HEXB: variants seen among roughly 807,000 people sequenced by gnomAD.
The protein encoded by HEXB is hexosaminidase subunit beta, also known as beta-hexosaminidase subunit beta.
In HEXB, 51 loss-of-function variants were observed where a neutral mutation model predicts 71.2. The observed-to-expected ratio is 0.72, with a 90% CI of 0.57 to 0.90. The LOEUF is 0.90. Ranked by LOEUF, HEXB falls within the 40% of genes least tolerant of loss-of-function variation. HEXB has a pLI of 0.00. For synonymous variants in HEXB, 266 were observed against 249.3 expected (o/e 1.07, Z -0.63); for missense variants, 617 against 677.0 (o/e 0.91, Z 0.98).
chr5:74,698,138 C>T (rs1192224386), intron 5 of HEXB, among the ~76,000 whole-genome samples: 2 of 151,566 alleles, frequency 1.3e-5, no homozygotes, highest in Non-Finnish European at 2.9e-5. Context: ...AGTGCAATGG[C>T]GCGATCTCGG....
intron 11 of HEXB, 187 bp from the exon 12 acceptor site, chr5:74,720,241 T>TG (rs1301938936): frequency 2.0e-5 from 12 of 613,828 alleles, no homozygotes; most frequent in East Asian, 2.9e-5. Flanking sequence ...ACCATTTTTT[T>TG]GGGGGGTGGG....
intron 5 of HEXB, among the ~76,000 whole-genome samples, chr5:74,700,959 C>A (rs1749246106): frequency 6.6e-6 from 1 of 152,164 alleles, no homozygotes; most frequent in African/African-American, 2.4e-5. Context: ...CTACCTTCCT[C>A]AGCTTCCCGA....
intron 11 of HEXB, chr5:74,720,120 G>GT (rs1485091001): frequency 5.5e-6 from 2 of 363,282 alleles, no homozygotes; most frequent in Non-Finnish European, 1.0e-5. Flanking sequence ...TGGTGTCCAG[G>GT]TAAGTTTGCA....
chr5:74,715,434 A>G, intron 7 of HEXB, 76 bp from the exon 8 acceptor site: 1 of 977,494 alleles, frequency 1.0e-6, no homozygotes, highest in South Asian at 1.4e-5. Context: ...AAAATGACGT[A>G]GTAAAATCAT....
At chr5:74,720,928 C>G in intron 13 of HEXB, 181 bp downstream of exon 13, 1 of 762,026 alleles carries the variant, frequency 1.3e-6, no homozygotes, top group Non-Finnish European at 2.2e-6. Flanking sequence ...TTTATAGATA[C>G]AAAAAATGTT....
intron 1 of HEXB, among the ~76,000 whole-genome samples, chr5:74,644,014 G>C (rs1221619540): frequency 6.6e-6 from 1 of 152,224 alleles, no homozygotes. Context: ...TGTGGCAGAG[G>C]GGCCAACTGC....
chr5:74,656,032 T>C lies in HEXB; in HGVS notation c.-377+15474T>C, dbSNP rs1173410246. On this transcript the variant is annotated intron_variant, in intron 1 of 13. Coordinates refer to the HEXB transcript ENST00000511181. ...TATTAAGTAGCTAGTTCATCAATCA[T>C]TTCATGGACTTTGTAAACAAAAATG... 3.9e-5 allele frequency among the ~76,000 whole-genome samples: 6 copies of C among 152,214 alleles called. No individual in the cohort carries two copies. In the South Asian group the frequency reaches 1.2e-3, roughly 31 times the overall value.
intron 6 of HEXB, 108 bp from the exon 7 acceptor site, chr5:74,713,398 T>C (rs1749596801): frequency 2.0e-6 from 2 of 998,346 alleles, no homozygotes; most frequent in Admixed American, 3.4e-5. Flanking sequence ...TACATTGTCA[T>C]AGTGAAAAAA....
chr5:74,710,561 C>G (rs1749515446), intron 6 of HEXB, among the ~76,000 whole-genome samples: 1 of 152,130 alleles, frequency 6.6e-6, no homozygotes, highest in Non-Finnish European at 1.5e-5. Flanking sequence ...CCCAAAATCT[C>G]CTTAAGCTGA....
chr5:74,684,789 TGCCTCA>T (rs906633488), upstream of HEXB, among the ~76,000 whole-genome samples: 2 of 151,048 alleles, frequency 1.3e-5, no homozygotes, highest in African/African-American at 4.9e-5. Context: ...GAGATTCTCC[TGCCTCA>T]GCCTCCCGAG....
In HEXB at chr5:74,652,242, T is replaced by C. The variant is rs73113494; in HGVS notation, c.-377+11684T>C. Among the ~76,000 whole-genome samples the C allele has an allele frequency of 0.14, 20,757 of 152,232 alleles. 4,267 individuals carry two copies. The highest frequency in any genetic ancestry group is 0.45 in the African/African-American group (18,466 of 41,468). The stretch of plus-strand genomic sequence containing the variant: ...GGTAGATACTATCATTATCTCCATT[T>C]TGCTCATGAGGAAACAGGGGCAATG... On this transcript the variant is annotated intron_variant, in intron 1 of 13. Coordinates refer to the HEXB transcript ENST00000511181. This position sits in a 1 kb window ranked among gnomAD's most constrained non-coding sequence, Gnocchi z 5.4.
chr5:74,699,565 A>G (rs551841725), intron 5 of HEXB, among the ~76,000 whole-genome samples: 1 of 152,058 alleles, frequency 6.6e-6, no homozygotes, highest in African/African-American at 2.4e-5. Flanking sequence ...GTGAGCCACC[A>G]CACCTGGCCT....
intron 1 of HEXB, among the ~76,000 whole-genome samples, chr5:74,688,475 C>A (rs950744622): frequency 2.0e-5 from 3 of 152,086 alleles, no homozygotes; most frequent in Admixed American, 6.6e-5. Flanking sequence ...GCTGGGATTA[C>A]AGGCGCCTGC....
At chr5:74,699,516 T>C (rs147071228) in intron 5 of HEXB, among the ~76,000 whole-genome samples, 3,669 of 152,078 alleles carry the variant, frequency 0.024, 140 homozygotes, top group African/African-American at 0.084. Context: ...CTCAAGTGAT[T>C]TGCCTGCCTT....
chr5:74,711,507 T>C (rs552780549), intron 6 of HEXB, among the ~76,000 whole-genome samples: 10 of 152,022 alleles, frequency 6.6e-5, no homozygotes, highest in Admixed American at 3.3e-4. Context: ...CAACCCACAA[T>C]ATGGGAGAAA....
rs1580388758 is a variant in HEXB at position 74,705,065 on chromosome 5, C to T, written c.670-154C>T. Among the ~76,000 whole-genome samples the T allele has an allele frequency of 2.1e-5, 3 of 141,856 alleles. No individual in the cohort carries two copies. In the South Asian group the frequency reaches 6.5e-4, roughly 31 times the overall value. The allele number at this position is 141,856 out of a possible 152,430, so 93.1% of individuals were successfully genotyped here. ...CAAGATCATGCCACTGTATTCCAGC[C>T]TGGGCAATGGAGTGAGACCCTGTCT... On this transcript the variant is annotated intron_variant, in intron 5 of 13. Transcript: ENST00000261416.
In HEXB at chr5:74,664,072, ATGG is replaced by A. The variant is rs748350223; in HGVS notation, c.-377+23517_-377+23519del. On this transcript the variant is annotated intron_variant, in intron 1 of 13. Coordinates refer to the HEXB transcript ENST00000511181. ...GGAGTTTGTGACCAGGCTGACTAAC[ATGG>A]TGAAACCCCGTCTCTACTAAATAAA... Among the ~76,000 whole-genome samples the A allele has an allele frequency of 5.3e-5, 8 of 152,190 alleles. No individual in the cohort carries two copies. In the East Asian group the frequency reaches 1.5e-3, roughly 29 times the overall value.
intron 6 of HEXB, among the ~76,000 whole-genome samples, chr5:74,707,568 A>G (rs1305249172): frequency 6.6e-6 from 1 of 152,242 alleles, no homozygotes; most frequent in African/African-American, 2.4e-5. Flanking sequence ...GTACAACTAG[A>G]ATAACCAATA....
intron 6 of HEXB, 138 bp from the exon 7 acceptor site, chr5:74,713,368 C>A: frequency 2.5e-6 from 2 of 791,954 alleles, no homozygotes. Context: ...AATGAGTCAT[C>A]TAATATCACA....
Sources: allele counts gnomAD v4.1 joint callset (sites outside exome capture counted in the v4.1 genomes callset), GRCh38; gene constraint gnomAD v4.1.1; non-coding constraint Gnocchi (gnomAD v3.1); transcripts MANE v1.5; gene names NCBI Gene and HGNC (gene_info 2026-07-23, HGNC 2026-07-21).